OXR1: variants seen among roughly 807,000 people sequenced by gnomAD.
The protein encoded by OXR1 is oxidation resistance protein 1.
A neutral mutation model predicts 104.6 loss-of-function variants in OXR1; 41 were observed. That is an observed-to-expected ratio of 0.39 (90% CI 0.31 to 0.51). The LOEUF is 0.51. Among genes scored for constraint, OXR1 ranks in the 20% least tolerant of loss-of-function variants. The probability of loss-of-function intolerance (pLI) is 0.77; values close to 1 mark genes in which losing one functional copy is unlikely to be tolerated. For synonymous variants in OXR1, 348 were observed against 348.4 expected, an observed-to-expected ratio of 1.00 and a Z score of 0.01; for missense variants, 955 against 1,031.9, an observed-to-expected ratio of 0.93 and a Z score of 1.02.
At chr8:106,553,914 A>C (rs1461323007) in intron 3 of OXR1, among the ~76,000 whole-genome samples, 1 of 152,184 alleles carries the variant, frequency 6.6e-6, no homozygotes, top group African/African-American at 2.4e-5. Flanking sequence ...GTTTCCAAAA[A>C]CCTAGCAAAA....
chr8:106,731,725 T>C (rs934720103), intron 11 of OXR1, among the ~76,000 whole-genome samples: 1 of 152,200 alleles, frequency 6.6e-6, no homozygotes, highest in Non-Finnish European at 1.5e-5. Context: ...TCTGAGTGTT[T>C]TATTGTGTAT....
intron 11 of OXR1, among the ~76,000 whole-genome samples, chr8:106,724,083 A>G (rs1057072330): frequency 5.9e-5 from 9 of 152,266 alleles, no homozygotes; most frequent in Admixed American, 5.2e-4. Flanking sequence ...CTGGCATAAA[A>G]TAATAAATAG....
chr8:106,679,352 C>A, intron 4 of OXR1, 60 bp downstream of exon 4: 1 of 834,152 alleles, frequency 1.2e-6, no homozygotes, highest in Non-Finnish European at 2.0e-6. Context: ...TTAAGACATT[C>A]TCTGTTTATA....
At chr8:106,318,868 A>G (rs530609349) in intron 1 of OXR1, among the ~76,000 whole-genome samples, 1 of 152,348 alleles carries the variant, frequency 6.6e-6, no homozygotes, top group South Asian at 2.1e-4. Context: ...AATGAATTGA[A>G]TCATAGGTCT....
intron 3 of OXR1, among the ~76,000 whole-genome samples, chr8:106,526,784 G>C (rs990792770): frequency 5.9e-5 from 9 of 152,164 alleles, no homozygotes; most frequent in South Asian, 4.1e-4. Context: ...ACTTCGTGAT[G>C]CGCCCCCCTC....
At chr8:106,502,351 C>T (rs1165983605) in intron 2 of OXR1, among the ~76,000 whole-genome samples, 2 of 152,200 alleles carry the variant, frequency 1.3e-5, no homozygotes, top group South Asian at 2.1e-4. Flanking sequence ...AAAATCTGTT[C>T]GTCTGCTATA....
chr8:106,456,791 A>G (rs1420872045), intron 2 of OXR1, among the ~76,000 whole-genome samples: 1 of 152,164 alleles, frequency 6.6e-6, no homozygotes, highest in Non-Finnish European at 1.5e-5. Context: ...TCCCATGTCA[A>G]CCAAAGGAAT....
chr8:106,393,040 A>G (rs1184028731), intron 2 of OXR1, among the ~76,000 whole-genome samples: 1 of 152,126 alleles, frequency 6.6e-6, no homozygotes, highest in Non-Finnish European at 1.5e-5. Flanking sequence ...CAACTTCTCC[A>G]CTTAACTTGA....
chr8:106,720,726 CA>C, intron 11 of OXR1: 2 of 973,910 alleles, frequency 2.1e-6, no homozygotes, highest in Non-Finnish European at 2.4e-6. Context: ...AGAGGAAGAT[CA>C]AAAAACATAC....
chr8:106,411,918 G>T (rs985157494), intron 2 of OXR1, among the ~76,000 whole-genome samples: 4 of 152,136 alleles, frequency 2.6e-5, no homozygotes, highest in African/African-American at 9.7e-5. Flanking sequence ...CGGAGCCAAA[G>T]TGCTCAGGAT....
At chr8:106,712,466 A>G (rs1831795319) in intron 10 of OXR1, among the ~76,000 whole-genome samples, 1 of 152,126 alleles carries the variant, frequency 6.6e-6, no homozygotes, top group Non-Finnish European at 1.5e-5. Flanking sequence ...TAGTGAAAGC[A>G]GATAACAGGA....
intron 1 of OXR1, among the ~76,000 whole-genome samples, chr8:106,326,571 G>A (rs759614634): frequency 1.2e-4 from 19 of 152,168 alleles, no homozygotes; most frequent in Admixed American, 2.0e-4. Flanking sequence ...CAGCTTTGCC[G>A]CAGGGCAATT....
intron 2 of OXR1, among the ~76,000 whole-genome samples, chr8:106,515,346 T>C (rs938598480): frequency 2.0e-5 from 3 of 152,146 alleles, no homozygotes; most frequent in Non-Finnish European, 4.4e-5. Context: ...TCAGCAGTTT[T>C]CGAAATACAC....
chr8:106,327,376 GT>G (rs1814514325), intron 1 of OXR1, among the ~76,000 whole-genome samples: 1 of 152,028 alleles, frequency 6.6e-6, no homozygotes. Context: ...TACTATAAGG[GT>G]TTTCAACTTT....
chr8:106,286,566 C>A (rs1462177295), intron 1 of OXR1, among the ~76,000 whole-genome samples: 2 of 152,078 alleles, frequency 1.3e-5, no homozygotes, highest in South Asian at 2.1e-4. Context: ...TCTCCTGTTT[C>A]CATTTTCTTT....
chr8:106,610,606 AG>A (rs1820743458), intron 3 of OXR1, among the ~76,000 whole-genome samples: 1 of 152,120 alleles, frequency 6.6e-6, no homozygotes, highest in Non-Finnish European at 1.5e-5. Flanking sequence ...GACTCCTTTC[AG>A]TGGAAGTTCC....
At chr8:106,512,883 AC>A (rs924834871) in intron 2 of OXR1, among the ~76,000 whole-genome samples, 1 of 152,162 alleles carries the variant, frequency 6.6e-6, no homozygotes, top group African/African-American at 2.4e-5. Context: ...AAGATTTGCT[AC>A]AAAGAAAGCT....
At chr8:106,324,894 G>C (rs974513777) in intron 1 of OXR1, among the ~76,000 whole-genome samples, 1 of 152,186 alleles carries the variant, frequency 6.6e-6, no homozygotes, top group Non-Finnish European at 1.5e-5. Flanking sequence ...ATAAGACAAT[G>C]TGTATTGTGT....
intron 7 of OXR1, among the ~76,000 whole-genome samples, chr8:106,701,964 T>C (rs1830619182): frequency 6.6e-6 from 1 of 152,300 alleles, no homozygotes; most frequent in African/African-American, 2.4e-5. Context: ...TCACTATTTA[T>C]TTATTTATTT....
Sources: allele counts gnomAD v4.1 joint callset (sites outside exome capture counted in the v4.1 genomes callset), GRCh38; gene constraint gnomAD v4.1.1; transcripts MANE v1.5; gene names NCBI Gene and HGNC (gene_info 2026-07-23, HGNC 2026-07-21).